Variants in PTCD1 observed in about 807,000 individuals in gnomAD.
PTCD1 encodes pentatricopeptide repeat-containing protein 1, mitochondrial.
In PTCD1, 50 loss-of-function variants were observed where a neutral mutation model predicts 53.4. That is an observed-to-expected ratio of 0.94 (90% CI 0.75 to 1.19). The LOEUF (loss-of-function observed/expected upper bound fraction) is 1.19, where lower values mean the gene tolerates loss of function less well. Ranked by LOEUF, PTCD1 falls within the 50% of genes most tolerant of loss-of-function variation. The probability of loss-of-function intolerance (pLI) is 0.00; values close to 1 mark genes in which losing one functional copy is unlikely to be tolerated. For missense variants in PTCD1, 918 were observed against 904.8 expected, an observed-to-expected ratio of 1.01 and a Z score of -0.19; for synonymous variants, 413 against 394.8, an observed-to-expected ratio of 1.05 and a Z score of -0.55.
intron 3 of PTCD1, among the ~76,000 whole-genome samples, chr7:99,432,029 C>G (rs1223373695): frequency 2.6e-5 from 4 of 152,164 alleles, no homozygotes; most frequent in African/African-American, 9.7e-5. Flanking sequence ...ATCTCGAGTA[C>G]CCAGGGACAC....
rs1795592607 is a variant in PTCD1, at chr7:99,417,859, G to C, written c.*2108C>G. 1 of 1,409,734 alleles carries C rather than the reference G, an allele frequency of 7.1e-7. No individual in the cohort carries two copies. Among genetic ancestry groups the C allele is most frequent in the Non-Finnish European group, 9.3e-7 (1 of 1,078,564 alleles). 87.3% of individuals were successfully genotyped at this position (1,409,734 alleles called of 1,614,324 possible). On this transcript the variant is annotated 3_prime_UTR_variant, in exon 8 of 8. Transcript: ENST00000292478. Reference sequence around the variant, plus strand: ...CCCCTTTCCTCACTTAGGAAATGGTGGTGGGGAGCCCTAATCCCAAGGTGG... The same window carrying C: ...CCCCTTTCCTCACTTAGGAAATGGTCGTGGGGAGCCCTAATCCCAAGGTGG...
At position 99,419,335 on chromosome 7, in the gene PTCD1, T is replaced by C; in HGVS notation, c.*632A>G. On this transcript the variant is annotated 3_prime_UTR_variant, in exon 8 of 8. Transcript: ENST00000292478. ...GTGGGAGGGTTGCCACATATGTGAGTGTGCAGGGGCGAGCGTGGCGCAGTG... is the reference window on the plus strand; with the variant it reads ...GTGGGAGGGTTGCCACATATGTGAGCGTGCAGGGGCGAGCGTGGCGCAGTG... 3 of 1,597,254 alleles carry C rather than the reference T, an allele frequency of 1.9e-6. No individual in the cohort carries two copies. Among genetic ancestry groups the C allele is most frequent in the South Asian group, 1.1e-5 (1 of 90,740 alleles).
chr7:99,424,704 G>T, intron 6 of PTCD1, 91 bp downstream of exon 6: 2 of 1,497,744 alleles, frequency 1.3e-6, no homozygotes, highest in East Asian at 4.8e-5. Flanking sequence ...CTCTCCAGGT[G>T]GGGGGTCTGC....
At chr7:99,423,183 A>G (rs917154) in intron 7 of PTCD1, among the ~76,000 whole-genome samples, 56,389 of 151,330 alleles carry the variant, frequency 0.37, 16,732 homozygotes, top group African/African-American at 0.82. Flanking sequence ...AGACAATGAC[A>G]CCACTTCACT....
rs919201698 is a variant in PTCD1 at position 99,419,035 on chromosome 7, A to G, written c.*932T>C. On this transcript the variant is annotated 3_prime_UTR_variant, in exon 8 of 8. Transcript: ENST00000292478. ...TGTACCAGCCCAGAGGCCCCCCTGA[A>G]GTCCCCAAACAGTAGCAGAGCCACG... The G allele has an allele frequency of 1.0e-4, 28 of 277,986 alleles. No homozygotes were observed. Among genetic ancestry groups the G allele is most frequent in the Middle Eastern group, 1.3e-3 (1 of 794 alleles). The allele number at this position is 277,986 out of a possible 1,614,324, so 17.2% of individuals were successfully genotyped here.
rs779959127 is a variant in PTCD1, at chr7:99,425,597, C to T, written c.935G>A (p.Ser312Asn). 16 of 1,608,040 alleles carry T rather than the reference C, an allele frequency of 9.9e-6. No individual in the cohort carries two copies. Among genetic ancestry groups the T allele is most frequent in the Non-Finnish European group, 1.4e-5 (16 of 1,178,582 alleles). The part of the protein sequence containing the change: ...YALQVWRLML[S>N]LGLQPSRDSY... The stretch of plus-strand genomic sequence containing the variant: ...GTCCCGGCTCGGCTGTAGCCCTAGA[C>T]TCAGCATCAGCCGCCACACCTGCCA... The change falls in exon 6 of 8, where the codon AGT becomes AAT. Residue 312 changes from serine to asparagine, a missense_variant. By Grantham distance (46) the Ser-to-Asn change is conservative. Coordinates refer to ENST00000292478, the MANE Select transcript of PTCD1 (RefSeq NM_015545.4).
At chr7:99,433,527 G>A (rs1000565565) in intron 2 of PTCD1, 109 bp from the exon 3 acceptor site, 14 of 1,590,288 alleles carry the variant, frequency 8.8e-6, no homozygotes, top group Middle Eastern at 2.2e-4. Flanking sequence ...GAGAACGGCG[G>A]CCCTGGGTGA....
Position 99,424,909 on chromosome 7 carries a change from C to G in PTCD1, c.1623G>C (p.Ala541=). ...CCCTCTTTGCCAGGACCGGCAACAG[C>G]GCCTTGGCCCCCTCCAGGTCTCCCA... ...SKLGDLEGAK[A]LLPVLAKRGL... The change falls in exon 6 of 8, where the codon GCG becomes GCC. Residue 541 remains alanine (A), a synonymous_variant. Transcript: ENST00000292478. The G allele has an allele frequency of 1.2e-6, 2 of 1,614,266 alleles. No individual in the cohort carries two copies. The highest frequency in any genetic ancestry group is 1.7e-6 in the Non-Finnish European group (2 of 1,180,042).
chr7:99,419,615 G>A lies in PTCD1; in HGVS notation c.*352C>T, dbSNP rs1414545852. On this transcript the variant is annotated 3_prime_UTR_variant, in exon 8 of 8. Coordinates refer to ENST00000292478, the MANE Select transcript of PTCD1 (RefSeq NM_015545.4). ...TAAAAATAAAATCTTTAAATCTCTC[G>A]AGCCCCACGTCTCTTCTTTCAGAGC... 11 of 836,238 alleles carry A rather than the reference G, an allele frequency of 1.3e-5. No individual in the cohort carries two copies. Among genetic ancestry groups the A allele is most frequent in the South Asian group, 1.8e-5 (1 of 56,964 alleles). The allele number at this position is 836,238 out of a possible 1,614,324, so 51.8% of individuals were successfully genotyped here. A position where few individuals can be genotyped will look rare whatever the true frequency, so the allele number is the denominator to read the frequency against.
Position 99,429,188 on chromosome 7 carries a change from C to T in PTCD1, c.830G>A (p.Gly277Glu). ...LDVFKEIIHKGHVVTEETFSF... is the reference protein window; with the variant it reads ...LDVFKEIIHKEHVVTEETFSF... ...GAAGGTCTCCTCTGTGACCACGTGCCCTTTGTGGATGATTTCCTGGGGGAG... is the reference window on the plus strand; with the variant it reads ...GAAGGTCTCCTCTGTGACCACGTGCTCTTTGTGGATGATTTCCTGGGGGAG... The change falls in exon 5 of 8, where the codon GGG becomes GAG. Residue 277 changes from glycine to glutamate, a missense_variant. By Grantham distance (98) the Gly-to-Glu change is moderately conservative (BLOSUM62 -2). Transcript: ENST00000292478. The T allele has an allele frequency of 6.2e-7, 1 of 1,614,084 alleles. No individual in the cohort carries two copies. Among genetic ancestry groups the T allele is most frequent in the Non-Finnish European group, 8.5e-7 (1 of 1,179,998 alleles).
At chr7:99,431,277 G>A (rs963256578) in intron 3 of PTCD1, among the ~76,000 whole-genome samples, 8 of 151,462 alleles carry the variant, frequency 5.3e-5, no homozygotes, top group Non-Finnish European at 7.4e-5. Context: ...CTACAGGTAC[G>A]TGCCACCACG....
chr7:99,420,475 C>T (rs1402523598), intron 7 of PTCD1, among the ~76,000 whole-genome samples: 1 of 152,246 alleles, frequency 6.6e-6, no homozygotes, highest in Non-Finnish European at 1.5e-5. Context: ...GCTCTGCCTC[C>T]ACAGCCTGCC....
At chr7:99,437,105 A>G (rs573125816) in intron 1 of PTCD1, among the ~76,000 whole-genome samples, 1 of 152,260 alleles carries the variant, frequency 6.6e-6, no homozygotes, top group South Asian at 2.1e-4. Flanking sequence ...GCCTCAAGCA[A>G]TCCTCCAGCC....
Position 99,429,097 on chromosome 7 carries a change from A to T in PTCD1, c.915+6T>A, listed in dbSNP as rs747404683. On this transcript the variant is annotated splice_donor_region_variant and intron_variant, in intron 5 of 7. Transcript: ENST00000292478. Reference sequence around the variant, plus strand: ...AGGGCAGGAAGGTGGGGTGGGAGGGACATACCTGGAGGGCGTACCGGAAGC... The same window carrying T: ...AGGGCAGGAAGGTGGGGTGGGAGGGTCATACCTGGAGGGCGTACCGGAAGC... The T allele has an allele frequency of 3.7e-6, 6 of 1,614,044 alleles. No homozygotes were observed. The highest frequency in any genetic ancestry group is 5.1e-6 in the Non-Finnish European group (6 of 1,179,958).
At position 99,423,077 on chromosome 7, in the gene PTCD1, CT is replaced by C. The variant is rs549528622; in HGVS notation, c.1920+697del. Among the ~76,000 whole-genome samples the C allele has an allele frequency of 5.5e-3, 772 of 140,082 alleles. 2 individuals are homozygous for C. Among genetic ancestry groups the C allele is most frequent in the African/African-American group, 0.011 (417 of 36,300 alleles). 91.9% of individuals were successfully genotyped at this position (140,082 alleles called of 152,430 possible). ...CCTATTAAACTTCAGCTCTTAACCT[CT>C]TTTTTTTTTTTTTGAGACCAAGTCT... is the stretch of plus-strand genomic sequence containing the variant. On this transcript the variant is annotated intron_variant, in intron 7 of 7. Coordinates refer to ENST00000292478, the MANE Select transcript of PTCD1 (RefSeq NM_015545.4).
intron 6 of PTCD1, 91 bp downstream of exon 6, chr7:99,424,704 G>A (rs990597698): frequency 2.0e-6 from 3 of 1,497,630 alleles, no homozygotes; most frequent in Non-Finnish European, 2.7e-6. Flanking sequence ...CTCTCCAGGT[G>A]GGGGGTCTGC....
chr7:99,422,972 C>A (rs541112283), intron 7 of PTCD1, among the ~76,000 whole-genome samples: 2 of 151,922 alleles, frequency 1.3e-5, no homozygotes, highest in African/African-American at 4.8e-5. Flanking sequence ...ACTTCTCTGG[C>A]ACCTCTCTCT....
At chr7:99,429,335 G>C (rs549802507) in intron 4 of PTCD1, 131 bp from the exon 5 acceptor site, 12 of 1,268,122 alleles carry the variant, frequency 9.5e-6, no homozygotes, top group Non-Finnish European at 1.4e-5. Flanking sequence ...TTTGTGACCA[G>C]CCTGGGCAAC....
intron 3 of PTCD1, among the ~76,000 whole-genome samples, chr7:99,432,242 A>G (rs925068701): frequency 1.3e-5 from 2 of 152,174 alleles, no homozygotes; most frequent in African/African-American, 4.8e-5. Flanking sequence ...TGCAGTTGAG[A>G]TAAGAGGAAG....
Sources: allele counts gnomAD v4.1 joint callset (sites outside exome capture counted in the v4.1 genomes callset), GRCh38; gene constraint gnomAD v4.1.1; transcripts MANE v1.5; gene names NCBI Gene and HGNC (gene_info 2026-07-23, HGNC 2026-07-21).